XPOT: variants seen among roughly 807,000 people sequenced by gnomAD.
XPOT encodes exportin-T.
A neutral mutation model predicts 128.2 loss-of-function variants in XPOT; 34 were observed. That is an observed-to-expected ratio of 0.27 (90% CI 0.20 to 0.35). The LOEUF (loss-of-function observed/expected upper bound fraction) is 0.35. XPOT is among the 10% of genes least tolerant of loss of function. XPOT has a pLI of 1.00. For missense variants in XPOT, 838 were observed against 1,125.3 expected, an observed-to-expected ratio of 0.74 and a Z score of 3.65; for synonymous variants, 348 against 394.3, an observed-to-expected ratio of 0.88 and a Z score of 1.39.
chr12:64,409,640 C>G (rs1244399290), intron 1 of XPOT: 1 of 162,308 alleles, frequency 6.2e-6, no homozygotes, highest in Admixed American at 6.3e-5. Context: ...GAGGGTGAGG[C>G]AGGAGAATGG....
chr12:64,431,528 G>T lies in XPOT; in HGVS notation c.1977-10G>T, dbSNP rs1458885834. 1.2e-6 allele frequency: 2 copies of T among 1,605,540 alleles called. No homozygotes were observed. Among genetic ancestry groups the T allele is most frequent in the African/African-American group, 1.3e-5 (1 of 74,490 alleles). On this transcript the variant is annotated splice_polypyrimidine_tract_variant and intron_variant, in intron 17 of 24. Coordinates refer to ENST00000332707, the MANE Select transcript of XPOT (RefSeq NM_007235.6). ...AGTTGCATCTGATTGCCTGATTTTTGCTTATATAGTCGAACCAGTAAAGCT... is the reference window on the plus strand; with the variant it reads ...AGTTGCATCTGATTGCCTGATTTTTTCTTATATAGTCGAACCAGTAAAGCT...
At position 64,404,775 on chromosome 12, in the gene XPOT, G is replaced by C. The variant is rs577852574; in HGVS notation, c.-104G>C. 10 of 152,504 alleles carry C rather than the reference G, an allele frequency of 6.6e-5. No individual in the cohort carries two copies. Among genetic ancestry groups the C allele is most frequent in the African/African-American group, 2.2e-4 (9 of 41,584 alleles). The allele number at this position is 152,504 out of a possible 1,614,324, so 9.4% of individuals were successfully genotyped here. On this transcript the variant is annotated 5_prime_UTR_variant, in exon 1 of 25. Coordinates refer to ENST00000332707, the MANE Select transcript of XPOT (RefSeq NM_007235.6). Reference sequence around the variant, plus strand: ...CGCTGGCTGACCATCTGGAGTGCAGGCTGGGAGGCGGGATGGAGTGATAGG... The same window carrying C: ...CGCTGGCTGACCATCTGGAGTGCAGCCTGGGAGGCGGGATGGAGTGATAGG...
At chr12:64,432,406 C>T (rs893832544) in intron 18 of XPOT, among the ~76,000 whole-genome samples, 12 of 152,040 alleles carry the variant, frequency 7.9e-5, no homozygotes, top group African/African-American at 2.7e-4. Flanking sequence ...CACCACACCA[C>T]GCTAATATTT....
At position 64,434,138 on chromosome 12, in the gene XPOT, T is replaced by TA. The variant is rs535341843; in HGVS notation, c.2453-368dup. On this transcript the variant is annotated intron_variant, in intron 19 of 24. Coordinates refer to ENST00000332707, the MANE Select transcript of XPOT (RefSeq NM_007235.6). ...TATCCTCCCATCTCTACCTCCTGAG[T>TA]AGCCAGGACCATTGGCAGTTGCCAC... is the stretch of plus-strand genomic sequence containing the variant. 2.6e-5 allele frequency among the ~76,000 whole-genome samples: 4 copies of TA among 152,262 alleles called. No homozygotes were observed. The East Asian group carries it at 7.7e-4, about 29-fold the overall frequency.
chr12:64,422,369 G>T (rs894595605), intron 9 of XPOT, among the ~76,000 whole-genome samples: 5 of 152,144 alleles, frequency 3.3e-5, no homozygotes, highest in East Asian at 1.9e-4. Flanking sequence ...ATTTTATGCA[G>T]TGTGGAAAGG....
chr12:64,410,879 T>G (rs902679620), intron 2 of XPOT, among the ~76,000 whole-genome samples: 1 of 152,226 alleles, frequency 6.6e-6, no homozygotes. Flanking sequence ...AACTATAGGG[T>G]AAGTGGAAAG....
In XPOT at chr12:64,433,712, A is replaced by T. The variant is rs572545480; in HGVS notation, c.2452+109A>T. On this transcript the variant is annotated intron_variant, in intron 19 of 24. Coordinates refer to ENST00000332707, the MANE Select transcript of XPOT (RefSeq NM_007235.6). ...AAATACAGAAATTTTGAAGTTTGCT[A>T]TCCCATGGGAAGACAGTTTATTGTT... 4 of 1,067,512 alleles carry T rather than the reference A, an allele frequency of 3.7e-6. No homozygotes were observed. In the African/African-American group the frequency reaches 6.5e-5, roughly 17 times the overall value. 66.1% of individuals were successfully genotyped at this position (1,067,512 alleles called of 1,614,324 possible).
chr12:64,406,758 C>T (rs527438117), intron 1 of XPOT, among the ~76,000 whole-genome samples: 1 of 152,014 alleles, frequency 6.6e-6, no homozygotes, highest in Admixed American at 6.6e-5. Flanking sequence ...ACTCCGAAAT[C>T]GTTTTTTCTC....
Position 64,445,112 on chromosome 12 carries a change from T to A in XPOT, c.2843T>A (p.Val948Asp). Residue 948 changes from valine to aspartate, a missense_variant, in exon 24 of 25, where the codon GTT (valine) becomes GAT (aspartate). Physicochemically the swap from Val to Asp is radical, Grantham distance 152. This residue lies in a region of XPOT where 56 missense variants were observed against 79.2 expected (regional missense o/e 0.71). Coordinates refer to ENST00000332707, the MANE Select transcript of XPOT (RefSeq NM_007235.6). ...GCGCTTCAGCAGCCTGATGCTAAAGTTTTTAAAAATTACTTAAAGGTAGGT... is the reference window on the plus strand; with the variant it reads ...GCGCTTCAGCAGCCTGATGCTAAAGATTTTAAAAATTACTTAAAGGTAGGT... ...CQALQQPDAK[V>D]FKNYLKVFFQ... 6.2e-7 allele frequency: 1 copy of A among 1,609,982 alleles called. No homozygotes were observed. The highest frequency in any genetic ancestry group is 8.5e-7 in the Non-Finnish European group (1 of 1,178,202).
Position 64,444,245 on chromosome 12 carries a change from C to G in XPOT, c.2806-830C>G, listed in dbSNP as rs191596639. ...AATGTAGTTTTTGTCCCATTCACTC[C>G]TCTCAGGCATGAATCCACCTTGTCT... On this transcript the variant is annotated intron_variant, in intron 23 of 24. Transcript: ENST00000332707. 4.6e-3 allele frequency among the ~76,000 whole-genome samples: 703 copies of G among 152,258 alleles called. 7 individuals carry two copies. Among genetic ancestry groups the G allele is most frequent in the African/African-American group, 0.016 (657 of 41,534 alleles).
At chr12:64,431,935 A>C in intron 18 of XPOT, 112 bp downstream of exon 18, 5 of 1,061,114 alleles carry the variant, frequency 4.7e-6, no homozygotes, top group Non-Finnish European at 5.4e-6. Context: ...TTAATGAATT[A>C]CTTAAGAGCC....
chr12:64,445,500 AAGG>A (rs1201065808), intron 24 of XPOT, among the ~76,000 whole-genome samples: 1 of 152,226 alleles, frequency 6.6e-6, no homozygotes. Flanking sequence ...AACAGACAAA[AAGG>A]AGAATCCTCA....
At chr12:64,434,465 T>C in intron 19 of XPOT, 42 bp from the exon 20 acceptor site, 1 of 1,422,490 alleles carries the variant, frequency 7.0e-7, no homozygotes. Context: ...GCTTTCCTAG[T>C]TAATTTTGGA....
rs1263848111 is a variant in XPOT at position 64,431,970 on chromosome 12, A to G, written c.2262+147A>G. The G allele has an allele frequency of 4.9e-6, 4 of 821,278 alleles. No individual in the cohort carries two copies. The African/African-American group carries it at 5.2e-5, about 11-fold the overall frequency. 50.9% of individuals were successfully genotyped at this position (821,278 alleles called of 1,614,324 possible). A position where few individuals can be genotyped will look rare whatever the true frequency, so the allele number is the denominator to read the frequency against. On this transcript the variant is annotated intron_variant, in intron 18 of 24. Transcript: ENST00000332707. ...CTCATGGATCATATGTATTTTTATC[A>G]TCTGTGGTGTCTGGCACACTGCCTG...
At position 64,421,125 on chromosome 12, in the gene XPOT, C is replaced by A. The variant is rs201320423; in HGVS notation, c.844-110C>A. The A allele has an allele frequency of 4.1e-5, 35 of 847,104 alleles. No individual in the cohort carries two copies. In the African/African-American group the frequency reaches 5.1e-4, roughly 12 times the overall value. The allele number at this position is 847,104 out of a possible 1,614,324, so 52.5% of individuals were successfully genotyped here. ...CCTGGAATTGTTAAATATATGACGTCATTTTAAAATTGAATCCTGTAATTA... is the reference window on the plus strand; with the variant it reads ...CCTGGAATTGTTAAATATATGACGTAATTTTAAAATTGAATCCTGTAATTA... On this transcript the variant is annotated intron_variant, in intron 8 of 24. Coordinates refer to ENST00000332707, the MANE Select transcript of XPOT (RefSeq NM_007235.6).
rs566938048 is a variant in XPOT, at chr12:64,423,714, A to G, written c.1182+470A>G. ...AGTGATCTGCCTGCCTCAGCCTCCC[A>G]AAGTGTTGGGATTATAGGTGTGAGC... On this transcript the variant is annotated intron_variant, in intron 11 of 24. Transcript: ENST00000332707. Among the ~76,000 whole-genome samples the G allele has an allele frequency of 1.6e-4, 24 of 152,288 alleles. No individual in the cohort carries two copies. The South Asian group carries it at 4.6e-3, about 29-fold the overall frequency.
At position 64,425,449 on chromosome 12, in the gene XPOT, T is replaced by C. The variant is rs202022271; in HGVS notation, c.1564T>C (p.Cys522Arg). 5.1e-5 allele frequency: 82 copies of C among 1,613,850 alleles called. 1 individual carries two copies. Among genetic ancestry groups the C allele is most frequent in the Non-Finnish European group, 3.4e-6 (4 of 1,179,950 alleles). The part of the protein sequence containing the change: ...FFTVEPQHIP[C>R]VLMAFLDHRG... Reference sequence around the variant, plus strand: ...CACAGTTGAACCTCAGCACATTCCATGTGTACTAGTAAGTACTCTGGATTT... The same window carrying C: ...CACAGTTGAACCTCAGCACATTCCACGTGTACTAGTAAGTACTCTGGATTT... The change falls in exon 14 of 25, where the codon TGT (cysteine) becomes CGT (arginine). Residue 522 changes from cysteine to arginine, a missense_variant. Physicochemically the swap from Cys to Arg is radical, Grantham distance 180. This residue lies in a region of XPOT where 761 missense variants were observed against 988.3 expected (regional missense o/e 0.77). Transcript: ENST00000332707.
At chr12:64,410,521 C>T (rs1330424565) in intron 2 of XPOT, among the ~76,000 whole-genome samples, 2 of 151,794 alleles carry the variant, frequency 1.3e-5, no homozygotes, top group Non-Finnish European at 2.9e-5. Context: ...AGGGTTTCAC[C>T]ATCTTGCCCA....
At chr12:64,430,461 A>T (rs2040229554) in intron 17 of XPOT, among the ~76,000 whole-genome samples, 174 bp downstream of exon 17, 1 of 152,250 alleles carries the variant, frequency 6.6e-6, no homozygotes, top group South Asian at 2.1e-4. Flanking sequence ...GATAGGTTAC[A>T]TACCATTTAC....
Sources: gnomAD v4.1 joint callset for allele counts (sites outside exome capture counted in the v4.1 genomes callset) on GRCh38, gnomAD v4.1.1 for gene constraint, gnomAD v4.1.1 regional missense constraint, MANE v1.5 for transcripts, NCBI Gene and HGNC (gene_info 2026-07-23, HGNC 2026-07-21) for gene names.